The following TUBGCP5 variants were observed in gnomAD, a reference collection of about 807,000 sequenced individuals.
The protein encoded by TUBGCP5 is gamma-tubulin complex component 5.
TUBGCP5 carries 98 observed loss-of-function variants against 134.7 expected under a neutral mutation model. That is an observed-to-expected ratio of 0.73 (90% CI 0.62 to 0.86). The LOEUF (loss-of-function observed/expected upper bound fraction) is 0.86, where lower values mean the gene tolerates loss of function less well. Ranked by LOEUF, TUBGCP5 falls within the 40% of genes least tolerant of loss-of-function variation. TUBGCP5 has a pLI of 0.00. For missense variants in TUBGCP5, 1,150 were observed against 1,244.8 expected (o/e 0.92, Z 1.15); for synonymous variants, 456 against 431.4 (o/e 1.06, Z -0.71).
At position 23,028,473 on chromosome 15, in the gene TUBGCP5, T is replaced by G. The variant is rs112364694; in HGVS notation, c.623-1167A>C. Among the ~76,000 whole-genome samples the G allele has an allele frequency of 3.3e-5, 5 of 150,926 alleles. 1 individual carries two copies. The highest frequency in any genetic ancestry group is 1.2e-4 in the African/African-American group (5 of 41,098). On this transcript the variant is annotated intron_variant, in intron 6 of 22. Transcript: ENST00000615383. Reference sequence around the variant, plus strand: ...TGATCAAGCAAGTTTAGGTGAAGAATTCAAGGATAATTCAACATCAGAAAA... The same window carrying G: ...TGATCAAGCAAGTTTAGGTGAAGAAGTCAAGGATAATTCAACATCAGAAAA...
chr15:23,029,580 C>A (rs1301838954), intron 6 of TUBGCP5, among the ~76,000 whole-genome samples: 1 of 152,020 alleles, frequency 6.6e-6, no homozygotes, highest in African/African-American at 2.4e-5. Flanking sequence ...AATAAAAGTT[C>A]ACAAATAGCT....
In TUBGCP5 at chr15:23,006,368, C is replaced by T; in HGVS notation, c.2328-16G>A. 2 of 1,576,316 alleles carry T rather than the reference C, an allele frequency of 1.3e-6. No individual in the cohort carries two copies. The highest frequency in any genetic ancestry group is 1.7e-6 in the Non-Finnish European group (2 of 1,162,348). ...TATAGATAGACTAAAGAAAGAAATT[C>T]CAGTTTTAGTTTGTGAAAGCACTAT... On this transcript the variant is annotated splice_polypyrimidine_tract_variant and intron_variant, in intron 16 of 22. Coordinates refer to ENST00000615383, the MANE Select transcript of TUBGCP5 (RefSeq NM_052903.6).
At chr15:23,034,451 A>G (rs1363374111) in intron 3 of TUBGCP5, among the ~76,000 whole-genome samples, 1 of 152,240 alleles carries the variant, frequency 6.6e-6, no homozygotes, top group Non-Finnish European at 1.5e-5. Flanking sequence ...CAGATCAGAA[A>G]TATAAGTGGT....
chr15:23,011,375 A>AT, intron 13 of TUBGCP5, 44 bp from the exon 14 acceptor site: 1 of 1,436,060 alleles, frequency 7.0e-7, no homozygotes, highest in Non-Finnish European at 9.7e-7. Context: ...GTTCTGTTTA[A>AT]TCATATTAAG....
chr15:23,021,927 A>G, intron 11 of TUBGCP5, 32 bp downstream of exon 11: 3 of 1,601,504 alleles, frequency 1.9e-6, no homozygotes, highest in Non-Finnish European at 2.6e-6. Context: ...TGCAGCATGG[A>G]GTCACACACT....
intron 23 of TUBGCP5, among the ~76,000 whole-genome samples, chr15:22,987,120 G>A (rs1420182799): frequency 1.3e-5 from 2 of 151,544 alleles, no homozygotes; most frequent in South Asian, 2.1e-4. Context: ...ACCACCTGAG[G>A]TCAGGAGTTC....
chr15:23,024,031 G>A lies in TUBGCP5; in HGVS notation c.1084C>T (p.Gln362Ter), dbSNP rs373006979. ...KSTEAPFRTY[Q>*]AFMWALYKYF... Reference sequence around the variant, plus strand: ...TTGTACAGGGCCCACATGAAAGCCTGGTAGGTTCTAAAGGGAGCTTCAGTT... The same window carrying A: ...TTGTACAGGGCCCACATGAAAGCCTAGTAGGTTCTAAAGGGAGCTTCAGTT... The change falls in exon 10 of 23, where the codon CAG (glutamine) becomes TAG (stop). Residue 362 changes from glutamine (Q) to a stop codon, truncating the protein, a stop_gained. Coordinates refer to ENST00000615383, the MANE Select transcript of TUBGCP5 (RefSeq NM_052903.6). LOFTEE classifies it high-confidence loss of function. The A allele has an allele frequency of 6.2e-7, 1 of 1,613,988 alleles. No individual in the cohort carries two copies. The highest frequency in any genetic ancestry group is 1.3e-5 in the African/African-American group (1 of 74,918).
intron 13 of TUBGCP5, among the ~76,000 whole-genome samples, chr15:23,016,969 GATATATATATAT>G (rs57631069): frequency 2.7e-5 from 3 of 109,396 alleles, no homozygotes; most frequent in Non-Finnish European, 5.6e-5. Flanking sequence ...AAAATTGTGA[GATATATATATAT>G]ATATATGTAT....
At chr15:22,983,145 G>C (rs1029843674), downstream of TUBGCP5, 4 of 152,134 alleles carry the variant, frequency 2.6e-5, no homozygotes, top group African/African-American at 9.7e-5. Context: ...CCACAAAACA[G>C]AATACAGAAT....
chr15:23,022,247 T>A (rs181700689), intron 10 of TUBGCP5, 86 bp from the exon 11 acceptor site: 3 of 1,435,332 alleles, frequency 2.1e-6, no homozygotes, highest in Admixed American at 3.4e-5. Flanking sequence ...ATCATCAGGC[T>A]TATGGACAGG....
rs755315613 is a variant in TUBGCP5 at position 23,036,912 on chromosome 15, A to C, written c.294T>G (p.Ser98Arg). 1 of 1,607,676 alleles carries C rather than the reference A, an allele frequency of 6.2e-7. No individual in the cohort carries two copies. Reference protein sequence around the residue: ...TEEFLNAPLPSIKEIKTDAHY... With the variant: ...TEEFLNAPLPRIKEIKTDAHY... ...GAAGGCATACCTTTATTTCCTTTAT[A>C]CTGGGAAGTGGTGCATTTAGAAATT... Residue 98 changes from serine to arginine, a missense_variant, in exon 3 of 23, where the codon AGT (serine) becomes AGG (arginine). Physicochemically the swap from Ser to Arg is moderately radical, Grantham distance 110 (BLOSUM62 -1). Around this residue, in one of 2 missense-constraint regions of TUBGCP5, gnomAD observed 453 missense variants for 394.7 expected, o/e 1.15. Coordinates refer to ENST00000615383, the MANE Select transcript of TUBGCP5 (RefSeq NM_052903.6).
intron 13 of TUBGCP5, among the ~76,000 whole-genome samples, chr15:23,015,591 G>A (rs561886253): frequency 2.6e-5 from 4 of 152,136 alleles, no homozygotes; most frequent in Non-Finnish European, 4.4e-5. Flanking sequence ...GCAGTGAGCC[G>A]AGATCATGCC....
rs767048262 is a variant in TUBGCP5, at chr15:22,999,884, A to G, written c.3029-18T>C. ...AGATTCCACTGTGGGAAGAATAAAA[A>G]TAAGGTTAAAACAATAGGTTTAAAT... On this transcript the variant is annotated intron_variant, in intron 22 of 22. Coordinates refer to ENST00000615383, the MANE Select transcript of TUBGCP5 (RefSeq NM_052903.6). 39 of 1,613,040 alleles carry G rather than the reference A, an allele frequency of 2.4e-5. No individual in the cohort carries two copies. Among genetic ancestry groups the G allele is most frequent in the Non-Finnish European group, 3.1e-5 (36 of 1,179,458 alleles).
chr15:22,986,189 T>C (rs2063676911), intron 23 of TUBGCP5, among the ~76,000 whole-genome samples: 1 of 150,064 alleles, frequency 6.7e-6, no homozygotes, highest in Admixed American at 6.7e-5. Context: ...AAATAACAAG[T>C]ATTGGCAAGG....
intron 12 of TUBGCP5, 28 bp downstream of exon 12, chr15:23,019,190 CA>C (rs1407622538): frequency 7.9e-6 from 12 of 1,524,354 alleles, no homozygotes; most frequent in South Asian, 1.1e-5. Context: ...TGCCAGCCCC[CA>C]GTGACCTTGT....
chr15:22,991,102 AC>A (rs1340280783), intron 23 of TUBGCP5, among the ~76,000 whole-genome samples: 2 of 96,214 alleles, frequency 2.1e-5, no homozygotes, highest in Non-Finnish European at 4.3e-5. Context: ...ATAATAAATT[AC>A]TTTTTTTTTT....
intron 23 of TUBGCP5, among the ~76,000 whole-genome samples, chr15:22,985,983 A>C (rs1247693574): frequency 2.0e-5 from 3 of 151,438 alleles, no homozygotes; most frequent in Non-Finnish European, 4.4e-5. Context: ...AATACAAAAA[A>C]ATTAGCTGGG....
At chr15:22,984,417 C>T (rs1202177221) in intron 23 of TUBGCP5, among the ~76,000 whole-genome samples, 3 of 152,138 alleles carry the variant, frequency 2.0e-5, no homozygotes, top group African/African-American at 4.8e-5. Context: ...GTCAGGAGTT[C>T]GAGACCAGCC....
intron 21 of TUBGCP5, among the ~76,000 whole-genome samples, chr15:23,001,754 A>C (rs186479402): frequency 3.3e-5 from 5 of 151,982 alleles, no homozygotes; most frequent in Admixed American, 3.3e-4. Flanking sequence ...CCACATGCCA[A>C]GCTTACACCT....
Sources: gnomAD v4.1 joint callset for allele counts (sites outside exome capture counted in the v4.1 genomes callset) on GRCh38, gnomAD v4.1.1 for gene constraint, gnomAD v4.1.1 regional missense constraint, MANE v1.5 for transcripts, NCBI Gene and HGNC (gene_info 2026-07-23, HGNC 2026-07-21) for gene names.